RBFOX1: variants seen among roughly 807,000 people sequenced by gnomAD.
RBFOX1 encodes the protein RNA binding protein fox-1 homolog 1.
In RBFOX1, 8 loss-of-function variants were observed where a neutral mutation model predicts 57.7. The ratio of observed to expected loss-of-function variants is 0.14; its 90% CI spans 0.08 to 0.25. The LOEUF (loss-of-function observed/expected upper bound fraction) is 0.25. RBFOX1 is among the 10% of genes least tolerant of loss of function. The probability of loss-of-function intolerance (pLI) is 1.00; values close to 1 mark genes in which losing one functional copy is unlikely to be tolerated. For synonymous variants in RBFOX1, 326 were observed against 222.4 expected (o/e 1.47, Z -4.15); for missense variants, 611 against 548.5 (o/e 1.11, Z -1.14).
intron 2 of RBFOX1, among the ~76,000 whole-genome samples, chr16:6,350,700 C>G (rs2086213470): frequency 6.6e-6 from 1 of 152,088 alleles, no homozygotes; most frequent in Non-Finnish European, 1.5e-5. Context: ...GGTCCTAAAG[C>G]ATTGTCCATG....
chr16:5,403,075 G>T (rs899267397), intron 1 of RBFOX1, among the ~76,000 whole-genome samples: 2 of 152,076 alleles, frequency 1.3e-5, no homozygotes, highest in African/African-American at 4.8e-5. Context: ...CTACGGGCGG[G>T]GCATGGTGAC....
chr16:6,862,374 C>T (rs149057285), intron 3 of RBFOX1, among the ~76,000 whole-genome samples: 1 of 152,006 alleles, frequency 6.6e-6, no homozygotes. Context: ...ACACCAAGGC[C>T]CCAGAGCAGG....
intron 4 of RBFOX1, among the ~76,000 whole-genome samples, chr16:7,076,726 G>T (rs564828741): frequency 1.3e-5 from 2 of 152,202 alleles, no homozygotes; most frequent in Admixed American, 6.5e-5. Context: ...TAACCAAGAT[G>T]TTCACTCGTA....
At chr16:6,648,389 C>T (rs1351239439) in intron 2 of RBFOX1, among the ~76,000 whole-genome samples, 4 of 151,890 alleles carry the variant, frequency 2.6e-5, no homozygotes, top group African/African-American at 9.7e-5. Context: ...GCTGGGGTTG[C>T]AGACTCCACG....
At chr16:7,244,389 G>C (rs1177915189) in intron 4 of RBFOX1, among the ~76,000 whole-genome samples, 4 of 152,030 alleles carry the variant, frequency 2.6e-5, no homozygotes, top group Admixed American at 2.6e-4. Context: ...GGACCATGCT[G>C]GTCCTTTTTC....
At chr16:6,209,069 G>A (rs75468238) in intron 1 of RBFOX1, among the ~76,000 whole-genome samples, 1,558 of 152,174 alleles carry the variant, frequency 0.01, 26 homozygotes, top group African/African-American at 0.035. Flanking sequence ...TGGAAACTTT[G>A]CACTGTTTTG....
chr16:6,686,482 G>C (rs1024923475), intron 3 of RBFOX1, among the ~76,000 whole-genome samples: 4 of 152,084 alleles, frequency 2.6e-5, no homozygotes, highest in African/African-American at 9.7e-5. Context: ...AGCACTACGT[G>C]GTTGTGTCGT....
chr16:6,253,621 G>T (rs12447749), intron 1 of RBFOX1, among the ~76,000 whole-genome samples: 1 of 151,608 alleles, frequency 6.6e-6, no homozygotes, highest in East Asian at 1.9e-4. Flanking sequence ...ATGGATGGAT[G>T]GATGGATGGA....
At chr16:5,521,459 C>G (rs535013017) in intron 2 of RBFOX1, among the ~76,000 whole-genome samples, 30 of 152,278 alleles carry the variant, frequency 2.0e-4, no homozygotes, top group African/African-American at 7.0e-4. Flanking sequence ...TGGCACATAT[C>G]TCTTTGTATC....
At chr16:6,820,886 C>G (rs975580410) in intron 3 of RBFOX1, among the ~76,000 whole-genome samples, 16 of 152,122 alleles carry the variant, frequency 1.1e-4, no homozygotes, top group Admixed American at 1.0e-3. Flanking sequence ...GTTTTTCATC[C>G]TTTGTCATCC....
At chr16:6,886,446 C>G (rs141445329) in intron 3 of RBFOX1, among the ~76,000 whole-genome samples, 17 of 152,034 alleles carry the variant, frequency 1.1e-4, no homozygotes, top group African/African-American at 4.1e-4. Context: ...CAAAGGCATT[C>G]CAATTTCCAA....
intron 11 of RBFOX1, among the ~76,000 whole-genome samples, chr16:7,639,679 C>G (rs907776223): frequency 5.3e-5 from 8 of 152,114 alleles, no homozygotes; most frequent in African/African-American, 9.7e-5. Flanking sequence ...CAACAGGAGA[C>G]TTATTCACTG....
intron 4 of RBFOX1, among the ~76,000 whole-genome samples, chr16:7,107,138 AGAACATTG>A (rs1297505197): frequency 1.3e-5 from 2 of 152,164 alleles, no homozygotes; most frequent in Non-Finnish European, 2.9e-5. Context: ...TCAGAATGCA[AGAACATTG>A]TATCCAGGGA....
intron 4 of RBFOX1, among the ~76,000 whole-genome samples, chr16:7,306,683 G>C (rs2096196384): frequency 2.6e-5 from 4 of 151,960 alleles, no homozygotes; most frequent in Admixed American, 2.6e-4. Context: ...TCAGAATTAG[G>C]TTTTCTAGCC....
Position 5,968,281 on chromosome 16 carries a change from G to T in RBFOX1, c.351+100946G>T, listed in dbSNP as rs57192993. On this transcript the variant is annotated intron_variant, in intron 4 of 19. Transcript: ENST00000641259. ...GTAGAGATGGGGTTTCACCATGTTGGCCCGGCTGGTCTCAAACTCCTGACA... is the reference window on the plus strand; with the variant it reads ...GTAGAGATGGGGTTTCACCATGTTGTCCCGGCTGGTCTCAAACTCCTGACA... Among the ~76,000 whole-genome samples, 1,249 of 152,050 alleles carry T rather than the reference G, an allele frequency of 8.2e-3. 14 individuals carry two copies. Among genetic ancestry groups the T allele is most frequent in the African/African-American group, 0.028 (1,143 of 41,466 alleles).
chr16:7,371,378 C>G (rs190622612), intron 4 of RBFOX1, among the ~76,000 whole-genome samples: 322 of 152,276 alleles, frequency 2.1e-3, no homozygotes, highest in African/African-American at 7.4e-3. Flanking sequence ...AAGCCCATCT[C>G]CAAATCTTGG....
intron 3 of RBFOX1, among the ~76,000 whole-genome samples, chr16:7,051,249 A>T (rs1310045462): frequency 2.0e-5 from 3 of 152,160 alleles, no homozygotes; most frequent in Admixed American, 6.5e-5. Context: ...ATATATCTCA[A>T]AATTCCTTCT....
chr16:5,718,945 C>G (rs1357078779), intron 3 of RBFOX1, among the ~76,000 whole-genome samples: 1 of 149,926 alleles, frequency 6.7e-6, no homozygotes, highest in East Asian at 2.0e-4. Context: ...AATGAACTTT[C>G]TGGCCTTACT....
chr16:6,999,333 A>C (rs1230474656), intron 3 of RBFOX1, among the ~76,000 whole-genome samples: 1 of 151,126 alleles, frequency 6.6e-6, no homozygotes, highest in Non-Finnish European at 1.5e-5. Flanking sequence ...ATGGGATGAC[A>C]GGCATGAGCC....
Sources: allele counts gnomAD v4.1 joint callset (sites outside exome capture counted in the v4.1 genomes callset), GRCh38; gene constraint gnomAD v4.1.1; transcripts MANE v1.5; gene names NCBI Gene and HGNC (gene_info 2026-07-23, HGNC 2026-07-21).